CUX1: variants seen among roughly 807,000 people sequenced by gnomAD.
The protein encoded by CUX1 is cut like homeobox 1.
In CUX1, 31 loss-of-function variants were observed where a neutral mutation model predicts 158.8. The ratio of observed to expected loss-of-function variants is 0.20; its 90% CI spans 0.15 to 0.26. The LOEUF (loss-of-function observed/expected upper bound fraction) is 0.26. CUX1 is among the 10% of genes least tolerant of loss of function. The pLI is 1.00. For synonymous variants in CUX1, 879 were observed against 862.1 expected (o/e 1.02, Z -0.34); for missense variants, 1,589 against 2,014.6 (o/e 0.79, Z 4.04).
intron 3 of CUX1, among the ~76,000 whole-genome samples, chr7:102,045,006 C>T (rs1008638064): frequency 2.0e-5 from 3 of 152,128 alleles, no homozygotes; most frequent in African/African-American, 7.2e-5. Context: ...GTGGAGGTGA[C>T]AGTGGTGTTA....
chr7:101,981,873 G>T (rs1236009711), intron 2 of CUX1, among the ~76,000 whole-genome samples: 1 of 152,302 alleles, frequency 6.6e-6, no homozygotes, highest in Admixed American at 6.5e-5. Flanking sequence ...GCCTCCCAAA[G>T]TGCTGGGATT....
At chr7:101,991,965 G>A (rs1815194084) in intron 2 of CUX1, among the ~76,000 whole-genome samples, 1 of 152,166 alleles carries the variant, frequency 6.6e-6, no homozygotes, top group African/African-American at 2.4e-5. Flanking sequence ...GGGGAGGCAG[G>A]AGCATCTCTT....
intron 3 of CUX1, among the ~76,000 whole-genome samples, chr7:102,047,632 C>T (rs78408459): frequency 0.011 from 1,609 of 152,124 alleles, 32 homozygotes; most frequent in African/African-American, 0.037. Flanking sequence ...CAGTATGTGT[C>T]TGTAAGAATA....
intron 2 of CUX1, among the ~76,000 whole-genome samples, chr7:101,931,863 T>C (rs893657571): frequency 3.3e-5 from 5 of 152,186 alleles, no homozygotes; most frequent in African/African-American, 4.8e-5. Context: ...TCTTATTTTT[T>C]AGATGGAAAT....
chr7:102,276,844 G>A (rs1265808293), intron 17 of CUX1, among the ~76,000 whole-genome samples: 3 of 152,120 alleles, frequency 2.0e-5, no homozygotes, highest in African/African-American at 7.2e-5. Context: ...GTTTCTTATT[G>A]GGGTGATTTT....
At chr7:101,834,758 G>C (rs1014509321) in intron 1 of CUX1, among the ~76,000 whole-genome samples, 6 of 152,118 alleles carry the variant, frequency 3.9e-5, no homozygotes, top group Admixed American at 3.3e-4. Flanking sequence ...CAGCACTTTG[G>C]GATGCTGAAG....
chr7:101,926,922 A>G (rs535314217), intron 2 of CUX1, among the ~76,000 whole-genome samples: 1 of 152,278 alleles, frequency 6.6e-6, no homozygotes, highest in South Asian at 2.1e-4. Context: ...GGCCAGGGGC[A>G]GTCAGATACA....
Position 102,028,111 on chromosome 7 carries a change from A to C in CUX1, c.155A>C (p.Gln52Pro), listed in dbSNP as rs2129333061. ...CTCCTGCTCCAGGATTTGCGCAAGCAGGTAGCGCCGCTGCTGAAGAGTTTC... is the reference window on the plus strand; with the variant it reads ...CTCCTGCTCCAGGATTTGCGCAAGCCGGTAGCGCCGCTGCTGAAGAGTTTC... ...KKNTPEDLRK[Q>P]VAPLLKSFQG... Residue 52 changes from glutamine to proline, a missense_variant, in exon 3 of 24, where the codon CAG (glutamine) becomes CCG (proline). Gln to Pro is a moderately conservative substitution (Grantham distance 76). Around this residue, in one of 8 missense-constraint regions of CUX1, gnomAD observed 63 missense variants for 109.2 expected, o/e 0.58. Transcript: ENST00000292535. The C allele has an allele frequency of 6.2e-7, 1 of 1,612,412 alleles. No homozygotes were observed.
intron 1 of CUX1, among the ~76,000 whole-genome samples, chr7:101,871,035 G>A (rs778747251): frequency 1.1e-4 from 17 of 152,174 alleles, no homozygotes; most frequent in Non-Finnish European, 2.1e-4. Context: ...AGAGCAGGGC[G>A]GACACCCCTG....
At chr7:102,008,805 A>T (rs948339996) in intron 2 of CUX1, among the ~76,000 whole-genome samples, 2 of 152,196 alleles carry the variant, frequency 1.3e-5, no homozygotes, top group African/African-American at 4.8e-5. Context: ...GCGAGACCAC[A>T]GCACAGTCAT....
At chr7:102,163,448 C>T (rs1790677697) in intron 9 of CUX1, among the ~76,000 whole-genome samples, 1 of 151,954 alleles carries the variant, frequency 6.6e-6, no homozygotes, top group Non-Finnish European at 1.5e-5. Flanking sequence ...ACCAGAGATG[C>T]GGGTCAGAGA....
At chr7:102,215,256 T>C (rs1183873615) in intron 20 of CUX1, among the ~76,000 whole-genome samples, 16 of 40,384 alleles carry the variant, frequency 4.0e-4, no homozygotes, top group African/African-American at 1.2e-3. Flanking sequence ...TTTTTTTTTT[T>C]TTGCAAGCAA....
intron 23 of CUX1, among the ~76,000 whole-genome samples, chr7:102,240,378 C>G (rs1800067677): frequency 6.6e-6 from 1 of 152,148 alleles, no homozygotes; most frequent in Non-Finnish European, 1.5e-5. Flanking sequence ...AGGCAGTCCT[C>G]CCACCTCAGC....
At chr7:101,863,525 A>G (rs1212889634) in intron 1 of CUX1, among the ~76,000 whole-genome samples, 1 of 151,896 alleles carries the variant, frequency 6.6e-6, no homozygotes, top group Non-Finnish European at 1.5e-5. Context: ...TAATTTTTAT[A>G]TTTTTAGTAG....
At chr7:102,109,237 A>C (rs1554489413) in intron 6 of CUX1, among the ~76,000 whole-genome samples, 1 of 152,230 alleles carries the variant, frequency 6.6e-6, no homozygotes, top group East Asian at 1.9e-4. Flanking sequence ...CATGTAAGAC[A>C]AAAGGCTAAT....
chr7:102,126,485 T>C (rs1832658798), intron 8 of CUX1, among the ~76,000 whole-genome samples: 1 of 152,160 alleles, frequency 6.6e-6, no homozygotes, highest in African/African-American at 2.4e-5. Flanking sequence ...CCTATTTCCA[T>C]AGTCTTTTTT....
chr7:101,855,917 C>T (rs1796750661), intron 1 of CUX1, among the ~76,000 whole-genome samples: 1 of 142,780 alleles, frequency 7.0e-6, no homozygotes, highest in African/African-American at 2.6e-5. Context: ...GCTGGTTTAG[C>T]GCCTGTAATC....
chr7:101,884,131 G>A (rs1336138800), intron 1 of CUX1, among the ~76,000 whole-genome samples: 1 of 152,084 alleles, frequency 6.6e-6, no homozygotes, highest in Non-Finnish European at 1.5e-5. Flanking sequence ...CTGGCCACAA[G>A]TGATCTTCCT....
chr7:102,267,048 G>T (rs1790860649), intron 14 of CUX1, among the ~76,000 whole-genome samples: 1 of 152,090 alleles, frequency 6.6e-6, no homozygotes, highest in Non-Finnish European at 1.5e-5. Flanking sequence ...AGGGGTGGGG[G>T]CCAGCACCTG....
Sources: gnomAD v4.1 joint callset for allele counts (sites outside exome capture counted in the v4.1 genomes callset) on GRCh38, gnomAD v4.1.1 for gene constraint, gnomAD v4.1.1 regional missense constraint, MANE v1.5 for transcripts, NCBI Gene and HGNC (gene_info 2026-07-23, HGNC 2026-07-21) for gene names.